The following ATIC variants were observed in gnomAD, a reference collection of about 807,000 sequenced individuals.
ATIC encodes the protein bifunctional purine biosynthesis protein ATIC.
Under a neutral mutation model 72.5 loss-of-function variants are expected in ATIC, and 64 were observed. The ratio of observed to expected loss-of-function variants is 0.88; its 90% confidence interval spans 0.72 to 1.09. ATIC has a LOEUF of 1.09. Among genes scored for constraint, ATIC ranks in the 50% least tolerant of loss-of-function variants. The pLI is 0.00. For synonymous variants in ATIC, 281 were observed against 267.1 expected (o/e 1.05, Z -0.51); for missense variants, 787 against 732.4 (o/e 1.07, Z -0.86).
chr2:215,327,686 C>T (rs935962977), intron 7 of ATIC, among the ~76,000 whole-genome samples: 2 of 152,096 alleles, frequency 1.3e-5, no homozygotes, highest in African/African-American at 2.4e-5. Context: ...CAAGCACTAC[C>T]GGTGCAGCTG....
chr2:215,349,737 A>T lies in ATIC; in HGVS notation c.*82A>T. The T allele has an allele frequency of 1.2e-6, 2 of 1,605,494 alleles. No individual in the cohort carries two copies. The highest frequency in any genetic ancestry group is 1.7e-6 in the Non-Finnish European group (2 of 1,172,428). ...AACTTTGAGGATAACTTTTTAAAAA[A>T]ATAAAACAGTATCTCTTAATCACTG... On this transcript the variant is annotated 3_prime_UTR_variant, in exon 16 of 16. Transcript: ENST00000236959.
At chr2:215,327,190 T>A (rs2052839114) in intron 7 of ATIC, among the ~76,000 whole-genome samples, 1 of 151,980 alleles carries the variant, frequency 6.6e-6, no homozygotes, top group African/African-American at 2.4e-5. Context: ...ATGGGGGAGA[T>A]GGAGATTGGA....
intron 2 of ATIC, 173 bp from the exon 3 acceptor site, chr2:215,317,984 G>A: frequency 1.5e-6 from 1 of 650,574 alleles, no homozygotes; most frequent in Non-Finnish European, 2.7e-6. Flanking sequence ...TTTTTCGGAA[G>A]TAAATAGAAT....
At chr2:215,364,045 C>T in the ATIC span, among the ~76,000 whole-genome samples, 63 of 152,334 alleles carry the variant, frequency 4.1e-4, no homozygotes, top group African/African-American at 1.4e-3. Context: ...CATCGTAAAC[C>T]TCAGCCAGTT....
intron 2 of ATIC, among the ~76,000 whole-genome samples, chr2:215,316,661 G>A (rs1344787633): frequency 6.6e-6 from 1 of 152,180 alleles, no homozygotes; most frequent in Non-Finnish European, 1.5e-5. Context: ...TTCTTAACAT[G>A]CTAGTATATT....
At chr2:215,360,653 C>T in the ATIC span, 1 of 152,432 alleles carries the variant, frequency 6.6e-6, no homozygotes, top group Non-Finnish European at 1.5e-5. Context: ...TCTATTAAAG[C>T]AGAAAGTGTA....
chr2:215,340,761 C>T (rs17514110), intron 12 of ATIC, among the ~76,000 whole-genome samples: 10,926 of 152,172 alleles, frequency 0.072, 420 homozygotes, highest in Middle Eastern at 0.099. Flanking sequence ...ACGCTGAACT[C>T]GGCTTTTGTC....
the ATIC span, among the ~76,000 whole-genome samples, chr2:215,366,170 A>G: frequency 6.6e-6 from 1 of 151,996 alleles, no homozygotes; most frequent in Admixed American, 6.6e-5. Context: ...ATCATTTACC[A>G]TTTTCTAGGG....
chr2:215,326,559 G>A lies in ATIC; in HGVS notation c.532-263G>A, dbSNP rs145741163. Among the ~76,000 whole-genome samples the A allele has an allele frequency of 5.1e-3, 765 of 150,762 alleles. 6 individuals are homozygous for A. Among genetic ancestry groups the A allele is most frequent in the African/African-American group, 0.018 (731 of 40,970 alleles). On this transcript the variant is annotated intron_variant, in intron 6 of 15. Transcript: ENST00000236959. ...CAGGAGGTGGAAGTTGCAGTAAGCT[G>A]ACATCACACCACTGCACTCTAGCCT...
the ATIC span, chr2:215,364,577 G>A: frequency 6.4e-6 from 3 of 467,554 alleles, no homozygotes; most frequent in Non-Finnish European, 1.2e-5. Flanking sequence ...TTAGGAAAAT[G>A]ATTCTAACAT....
At chr2:215,363,010 C>G in the ATIC span, 1 of 152,116 alleles carries the variant, frequency 6.6e-6, no homozygotes, top group Non-Finnish European at 1.5e-5. Context: ...TAAAATGCAG[C>G]CCTAAATAAT....
chr2:215,367,641 T>G, the ATIC span: 1 of 576,750 alleles, frequency 1.7e-6, no homozygotes, highest in Non-Finnish European at 3.1e-6. Flanking sequence ...AATTAATAGT[T>G]GTATTGGCAT....
At chr2:215,321,917 T>C (rs113566171) in intron 4 of ATIC, among the ~76,000 whole-genome samples, 2 of 150,636 alleles carry the variant, frequency 1.3e-5, no homozygotes, top group African/African-American at 5.0e-5. Flanking sequence ...AGTTTTTTCT[T>C]TTTTTTGAGA....
chr2:215,356,788 G>T, the ATIC span, among the ~76,000 whole-genome samples: 1 of 152,156 alleles, frequency 6.6e-6, no homozygotes, highest in Non-Finnish European at 1.5e-5. Flanking sequence ...TTTATGGTCA[G>T]ATATTTCATT....
chr2:215,331,207 G>A (rs80260214), intron 7 of ATIC, among the ~76,000 whole-genome samples: 2,249 of 151,990 alleles, frequency 0.015, 51 homozygotes, highest in African/African-American at 0.051. Context: ...AGCTCCATAA[G>A]GACAGTGACT....
At chr2:215,320,834 G>A (rs531585833) in intron 4 of ATIC, among the ~76,000 whole-genome samples, 23 of 152,140 alleles carry the variant, frequency 1.5e-4, no homozygotes, top group African/African-American at 4.8e-4. Context: ...CACCCACCCC[G>A]GCCTCCCAAA....
intron 6 of ATIC, 130 bp downstream of exon 6, chr2:215,326,268 T>C: frequency 1.6e-6 from 2 of 1,216,414 alleles, no homozygotes; most frequent in Non-Finnish European, 2.3e-6. Context: ...ATCCTTTTGT[T>C]AAAAATGGAG....
At chr2:215,318,352 T>C (rs954548278) in intron 3 of ATIC, 119 bp downstream of exon 3, 74 of 967,712 alleles carry the variant, frequency 7.6e-5, no homozygotes, top group Non-Finnish European at 1.2e-4. Flanking sequence ...ATAAAGTTAA[T>C]GTTATGAAGT....
At chr2:215,312,383 G>A in intron 1 of ATIC, 115 bp from the exon 2 acceptor site, 5 of 1,572,072 alleles carry the variant, frequency 3.2e-6, no homozygotes, top group Non-Finnish European at 4.4e-6. Flanking sequence ...TGCGAACGCA[G>A]GGTCCAGGTG....
Sources: allele counts gnomAD v4.1 joint callset (sites outside exome capture counted in the v4.1 genomes callset), GRCh38; gene constraint gnomAD v4.1.1; transcripts MANE v1.5; gene names NCBI Gene and HGNC (gene_info 2026-07-23, HGNC 2026-07-21).